TRPM1: variants seen among roughly 807,000 people sequenced by gnomAD.
TRPM1 encodes the protein TRPM1-203 APA Isoform, Intron 10.
A neutral mutation model predicts 149.4 loss-of-function variants in TRPM1; 113 were observed. That is an observed-to-expected ratio of 0.76 (90% confidence interval 0.65 to 0.88). The LOEUF is 0.88. Among genes scored for constraint, TRPM1 ranks in the 40% least tolerant of loss-of-function variants. The pLI is 0.00. For missense variants in TRPM1, 1,976 were observed against 2,038.7 expected (o/e 0.97, Z 0.59); for synonymous variants, 741 against 759.5 (o/e 0.98, Z 0.40).
At chr15:31,092,008 C>A (rs1324089860) in intron 1 of TRPM1, among the ~76,000 whole-genome samples, 2 of 151,838 alleles carry the variant, frequency 1.3e-5, no homozygotes, top group Non-Finnish European at 2.9e-5. Flanking sequence ...GGGACTCAGC[C>A]CTTCGGAGCT....
Position 31,040,286 on chromosome 15 carries a change from G to A in TRPM1, c.2148C>T (p.Ile716=), listed in dbSNP as rs762382228. ...GCTCGTAGGTCAGGAGTTTCATAGC[G>A]ATCTGCTCGTCATGCTTATAGGACT... ...LDQSYKHDEQ[I]AMKLLTYELK... is the part of the protein sequence containing the mutation. The change falls in exon 18 of 28, where the codon ATC becomes ATT. Residue 716 remains isoleucine (I), a synonymous_variant. Transcript: ENST00000256552. The surrounding 1 kb of genome is among the most constrained non-coding windows in gnomAD (Gnocchi z 4.2). 24 of 1,614,066 alleles carry A rather than the reference G, an allele frequency of 1.5e-5. No homozygotes were observed. In the South Asian group the frequency reaches 1.6e-4, roughly 11 times the overall value.
chr15:31,032,823 G>C lies in TRPM1; in HGVS notation c.2818C>G (p.Leu940Val). Residue 940 changes from leucine (L) to valine (V), a missense_variant, in exon 22 of 28, where the codon CTA becomes GTA. By Grantham distance (32) the Leu-to-Val change is conservative. Coordinates refer to ENST00000256552, the MANE Select transcript of TRPM1 (RefSeq NM_001252024.2). ...TAGCCCATGTAGGGCTGGTTCTGTA[G>C]GCGAAGAATTGCTCCAATCATGAAT... Reference protein sequence around the residue: ...STFMIGAILRLQNQPYMGYGR... With the variant: ...STFMIGAILRVQNQPYMGYGR... The C allele has an allele frequency of 2.5e-6, 4 of 1,614,192 alleles. No individual in the cohort carries two copies. The highest frequency in any genetic ancestry group is 3.4e-6 in the Non-Finnish European group (4 of 1,180,042).
At chr15:31,128,279 C>T (rs1567070961) in intron 1 of TRPM1, among the ~76,000 whole-genome samples, 1 of 152,204 alleles carries the variant, frequency 6.6e-6, no homozygotes, top group Non-Finnish European at 1.5e-5. Context: ...GGGGTGAGAA[C>T]GCCATCCCCC....
At position 31,125,167 on chromosome 15, in the gene TRPM1, G is replaced by A. The variant is rs531286407; in HGVS notation, c.54+35739C>T. Among the ~76,000 whole-genome samples the A allele has an allele frequency of 1.3e-4, 19 of 149,004 alleles. No individual in the cohort carries two copies. In the South Asian group the frequency reaches 3.8e-3, roughly 30 times the overall value. ...TACTCCAGCCTGGGTGACAGAGCGA[G>A]ACTGTGTCTCAAAAAACAAAACAAA... On this transcript the variant is annotated intron_variant, in intron 1 of 26. Coordinates refer to the TRPM1 transcript ENST00000542188.
intron 21 of TRPM1, among the ~76,000 whole-genome samples, chr15:31,033,812 C>T (rs1005086078): frequency 2.0e-5 from 3 of 152,110 alleles, no homozygotes; most frequent in African/African-American, 4.8e-5. Context: ...GACGGCACAG[C>T]GATGGTAAAG....
In TRPM1 at chr15:31,046,247, G is replaced by C; in HGVS notation, c.1765-14C>G. ...AAGAGCTTTAGGCTGCATGGTGAAA[G>C]AGGAAGAAAAAAAATCAATTTACTT... On this transcript the variant is annotated splice_polypyrimidine_tract_variant and intron_variant, in intron 15 of 27. Transcript: ENST00000256552. The C allele has an allele frequency of 6.2e-7, 1 of 1,610,314 alleles. No homozygotes were observed. Among genetic ancestry groups the C allele is most frequent in the South Asian group, 1.1e-5 (1 of 91,026 alleles).
chr15:31,070,103 G>A lies in TRPM1; in HGVS notation c.207C>T (p.His69=). 1 of 1,614,190 alleles carries A rather than the reference G, an allele frequency of 6.2e-7. No homozygotes were observed. The highest frequency in any genetic ancestry group is 1.1e-5 in the South Asian group (1 of 91,076). ...TQPEKWSVAK[H]TQSYPTDSYG... is the part of the protein sequence containing the mutation. ...AGGAATCTGTTGGGTAGCTCTGGGT[G>A]TGCTTGGCAACAGACCATTTCTCAG... Residue 69 remains histidine (H), a synonymous_variant, in exon 4 of 28, where the codon CAC becomes CAT. Transcript: ENST00000256552.
intron 7 of TRPM1, among the ~76,000 whole-genome samples, chr15:31,064,497 A>G (rs1452985922): frequency 2.0e-5 from 3 of 152,220 alleles, no homozygotes; most frequent in Admixed American, 6.5e-5. Flanking sequence ...GAGTGGAGGC[A>G]CATTTGCCTA....
chr15:31,051,342 C>T (rs989428327), intron 11 of TRPM1, among the ~76,000 whole-genome samples: 7 of 152,198 alleles, frequency 4.6e-5, no homozygotes, highest in South Asian at 2.1e-4. Flanking sequence ...TCTTACCAAA[C>T]GCTCCTGGTG....
rs912040348 is a variant in TRPM1, at chr15:31,040,502, T to G, written c.2088-156A>C. On this transcript the variant is annotated intron_variant, in intron 17 of 27. Coordinates refer to ENST00000256552, the MANE Select transcript of TRPM1 (RefSeq NM_001252024.2). The surrounding 1 kb of genome is among the most constrained non-coding windows in gnomAD (Gnocchi z 4.2). ...CTGCAAGCAAGAAGCTCCAGGGATG[T>G]GTCCCCAAAGGGGGAAGGCCAGGGA... 6.6e-6 allele frequency among the ~76,000 whole-genome samples: 1 copy of G among 152,194 alleles called. No homozygotes were observed. The highest frequency in any genetic ancestry group is 1.5e-5 in the Non-Finnish European group (1 of 68,022).
intron 1 of TRPM1, among the ~76,000 whole-genome samples, chr15:31,092,639 T>A (rs541725704): frequency 6.6e-6 from 1 of 152,340 alleles, no homozygotes; most frequent in South Asian, 2.1e-4. Flanking sequence ...AGCCCAGCAC[T>A]TCCACACTGA....
chr15:31,013,790 T>G (rs1224487166), intron 27 of TRPM1, among the ~76,000 whole-genome samples: 1 of 152,220 alleles, frequency 6.6e-6, no homozygotes, highest in Non-Finnish European at 1.5e-5. Context: ...GTGATTTTTC[T>G]GAAATAATAT....
At chr15:31,047,837 A>G in intron 14 of TRPM1, 52 bp downstream of exon 14, 6 of 1,456,062 alleles carry the variant, frequency 4.1e-6, no homozygotes, top group Non-Finnish European at 5.8e-6. Flanking sequence ...CTCTTAAGAA[A>G]TGATTTTGTG....
In TRPM1 at chr15:31,050,882, A is replaced by G. The variant is rs1035706; in HGVS notation, c.1264-300T>C. On this transcript the variant is annotated intron_variant, in intron 11 of 27. Transcript: ENST00000256552. Reference sequence around the variant, plus strand: ...AACACACACTTGACTTGATGCAGCGACTTTGCATACTTAAAGTGGCTGACA... The same window carrying G: ...AACACACACTTGACTTGATGCAGCGGCTTTGCATACTTAAAGTGGCTGACA... 0.89 allele frequency among the ~76,000 whole-genome samples: 135,749 copies of G among 152,264 alleles called. 60,637 individuals carry two copies. The highest frequency in any genetic ancestry group is 0.96 in the East Asian group (4,969 of 5,176).
At chr15:31,041,348 C>T (rs903965170) in intron 17 of TRPM1, among the ~76,000 whole-genome samples, 39 of 152,130 alleles carry the variant, frequency 2.6e-4, no homozygotes, top group Non-Finnish European at 4.3e-4. Context: ...GACGGGGTTT[C>T]ACCATGTTAG....
rs1295943833 is a variant in TRPM1, at chr15:31,002,643, T to C, written c.4057A>G (p.Ser1353Gly). The C allele has an allele frequency of 1.2e-6, 2 of 1,614,124 alleles. No homozygotes were observed. Among genetic ancestry groups the C allele is most frequent in the African/African-American group, 2.7e-5 (2 of 74,944 alleles). Residue 1353 changes from serine (S) to glycine (G), a missense_variant, in exon 28 of 28, where the codon AGC (serine) becomes GGC (glycine). By Grantham distance (56) the Ser-to-Gly change is moderately conservative. Around this residue, in one of 3 missense-constraint regions of TRPM1, gnomAD observed 572 missense variants for 578.9 expected, o/e 0.99. Coordinates refer to ENST00000256552, the MANE Select transcript of TRPM1 (RefSeq NM_001252024.2). ...QNSLHLSLGT[S>G]TSATPDGSHL... ...CTGCCATCTGGGGTTGCTGATGTGC[T>C]TGTGCCCAGTGAAAGGTGAAGACTG...
chr15:31,056,754 G>A (rs1187565392), intron 11 of TRPM1, among the ~76,000 whole-genome samples: 3 of 152,098 alleles, frequency 2.0e-5, no homozygotes, highest in Non-Finnish European at 2.9e-5. Context: ...GCCCTCTCTC[G>A]CTGTCTCTCG....
Position 31,066,110 on chromosome 15 carries a change from C to T in TRPM1, c.756G>A (p.Leu252=), listed in dbSNP as rs2034368036. The change falls in exon 7 of 28, where the codon CTG becomes CTA. Residue 252 remains leucine (L), a synonymous_variant. Transcript: ENST00000256552. ...YGAEVKLRRL[L]EKHISLQKIN... ...TCTTCTGCAGGGAGATGTGCTTTTC[C>T]AGCAGCCTTCGCAGCTTCACCTCGG... The T allele has an allele frequency of 2.5e-6, 4 of 1,613,946 alleles. No individual in the cohort carries two copies. Among genetic ancestry groups the T allele is most frequent in the Non-Finnish European group, 3.4e-6 (4 of 1,179,998 alleles).
Position 31,137,203 on chromosome 15 carries a change from A to G in TRPM1, c.54+23703T>C, listed in dbSNP as rs574817355. Reference sequence around the variant, plus strand: ...AAGGTAACTGATAACAGTGGCAGTAAGTGGTTATTACTGGAGGGATCCTCT... The same window carrying G: ...AAGGTAACTGATAACAGTGGCAGTAGGTGGTTATTACTGGAGGGATCCTCT... On this transcript the variant is annotated intron_variant, in intron 1 of 26. Coordinates refer to the TRPM1 transcript ENST00000542188. Among the ~76,000 whole-genome samples, 76 of 152,346 alleles carry G rather than the reference A, an allele frequency of 5.0e-4. No individual in the cohort carries two copies. In the Middle Eastern group the frequency reaches 0.01, roughly 20 times the overall value.
Sources: gnomAD v4.1 joint callset for allele counts (sites outside exome capture counted in the v4.1 genomes callset) on GRCh38, gnomAD v4.1.1 for gene constraint, gnomAD v4.1.1 regional missense constraint, Gnocchi (gnomAD v3.1) non-coding constraint, MANE v1.5 for transcripts, NCBI Gene and HGNC (gene_info 2026-07-23, HGNC 2026-07-21) for gene names.